Variants in PTPRG observed in about 807,000 individuals in gnomAD.
PTPRG encodes receptor-type tyrosine-protein phosphatase gamma.
A neutral mutation model predicts 165.3 loss-of-function variants in PTPRG; 102 were observed. That is an observed-to-expected ratio of 0.62 (90% CI 0.53 to 0.73). PTPRG has a LOEUF of 0.73. Among genes scored for constraint, PTPRG ranks in the 30% least tolerant of loss-of-function variants. The probability of loss-of-function intolerance (pLI) is 0.00; values close to 1 mark genes in which losing one functional copy is unlikely to be tolerated. For synonymous variants in PTPRG, 675 were observed against 669.5 expected (o/e 1.01, Z -0.13); for missense variants, 1,866 against 1,861.4 (o/e 1.00, Z -0.05).
chr3:61,938,557 G>C (rs2039536360), intron 2 of PTPRG, among the ~76,000 whole-genome samples: 1 of 152,186 alleles, frequency 6.6e-6, no homozygotes, highest in Admixed American at 6.5e-5. Flanking sequence ...ATATCCCCGT[G>C]TTTGACACGT....
At chr3:62,293,012 A>ATT in intron 29 of PTPRG, 149 bp from the exon 30 acceptor site, 3 of 610,796 alleles carry the variant, frequency 4.9e-6, no homozygotes, top group Non-Finnish European at 7.8e-6. Flanking sequence ...AATTCAAATG[A>ATT]TTTTTTTTTT....
intron 1 of PTPRG, among the ~76,000 whole-genome samples, chr3:61,579,843 G>A (rs934173971): frequency 1.3e-5 from 2 of 152,184 alleles, no homozygotes; most frequent in African/African-American, 4.8e-5. Context: ...GGGATACATG[G>A]AGTAGGGTGA....
intron 4 of PTPRG, among the ~76,000 whole-genome samples, chr3:62,071,375 G>A (rs974756560): frequency 3.9e-5 from 6 of 152,166 alleles, no homozygotes; most frequent in South Asian, 4.1e-4. Context: ...CATGATCACA[G>A]CAACCAGGGA....
chr3:62,235,728 T>G (rs1370620670), intron 14 of PTPRG, among the ~76,000 whole-genome samples: 1 of 152,222 alleles, frequency 6.6e-6, no homozygotes, highest in Non-Finnish European at 1.5e-5. Context: ...GACTAGGCCA[T>G]CTCTCCTATT....
chr3:61,820,611 T>G (rs920368458), intron 2 of PTPRG, among the ~76,000 whole-genome samples: 2 of 146,458 alleles, frequency 1.4e-5, no homozygotes, highest in Non-Finnish European at 3.0e-5. Context: ...CTGTTTTTTT[T>G]TTTTTTTTTT....
At chr3:62,005,476 T>C (rs1438192009) in intron 4 of PTPRG, among the ~76,000 whole-genome samples, 2 of 152,090 alleles carry the variant, frequency 1.3e-5, no homozygotes, top group African/African-American at 4.8e-5. Flanking sequence ...TGTCTTAGAA[T>C]TGGGTTTCCG....
In PTPRG at chr3:62,187,392, C is replaced by A. The variant is rs192589383; in HGVS notation, c.1034-4077C>A. ...TCCACGGGCCGAAACTTACTCCCCA[C>A]CACCTTTTGTGTAACCATGAGCTAA... On this transcript the variant is annotated intron_variant, in intron 8 of 29. Transcript: ENST00000474889. Among the ~76,000 whole-genome samples the A allele has an allele frequency of 2.6e-4, 39 of 152,346 alleles. No homozygotes were observed. In the East Asian group the frequency reaches 7.5e-3, roughly 29 times the overall value.
intron 1 of PTPRG, among the ~76,000 whole-genome samples, chr3:61,587,313 C>T (rs1700455996): frequency 1.3e-5 from 2 of 152,178 alleles, no homozygotes; most frequent in African/African-American, 4.8e-5. Context: ...ATTTCTGTGT[C>T]CCCTTCTCAG....
intron 16 of PTPRG, among the ~76,000 whole-genome samples, chr3:62,256,094 C>CTT (rs1701528954): frequency 6.6e-6 from 1 of 152,138 alleles, no homozygotes; most frequent in Non-Finnish European, 1.5e-5. Context: ...AAGTTGGTTC[C>CTT]TTTCTCTGTC....
chr3:61,757,924 A>G (rs910532663), intron 2 of PTPRG, among the ~76,000 whole-genome samples: 3 of 152,216 alleles, frequency 2.0e-5, no homozygotes, highest in Non-Finnish European at 4.4e-5. Context: ...AGCTGAATAC[A>G]TGTGTTATAA....
intron 8 of PTPRG, among the ~76,000 whole-genome samples, chr3:62,184,260 A>G (rs1353423873): frequency 1.3e-5 from 2 of 152,192 alleles, no homozygotes; most frequent in Non-Finnish European, 2.9e-5. Context: ...AATGCACATT[A>G]CACTGGAGCT....
intron 1 of PTPRG, among the ~76,000 whole-genome samples, chr3:61,724,391 A>T (rs909940024): frequency 2.6e-5 from 4 of 151,916 alleles, no homozygotes; most frequent in African/African-American, 9.7e-5. Context: ...TTAATCTTTC[A>T]CCTTTTGAGG....
chr3:62,023,693 A>T (rs1283150649), intron 4 of PTPRG, among the ~76,000 whole-genome samples: 1 of 152,162 alleles, frequency 6.6e-6, no homozygotes, highest in Non-Finnish European at 1.5e-5. Flanking sequence ...AAACCTAGGG[A>T]GACTGTTGAG....
intron 4 of PTPRG, among the ~76,000 whole-genome samples, chr3:62,057,067 A>G (rs955108324): frequency 6.6e-6 from 1 of 152,224 alleles, no homozygotes; most frequent in African/African-American, 2.4e-5. Context: ...AGGATTATCC[A>G]TGTTTCCAGA....
intron 8 of PTPRG, among the ~76,000 whole-genome samples, chr3:62,176,668 A>T (rs1220668204): frequency 3.3e-5 from 5 of 152,100 alleles, no homozygotes; most frequent in African/African-American, 1.2e-4. Context: ...CTCAGGGCAT[A>T]GGGTATTGGT....
At position 61,607,553 on chromosome 3, in the gene PTPRG, C is replaced by G. The variant is rs981631068; in HGVS notation, c.85+45181C>G. ...GGCAGCTCGACAAACTCTTTTAAAC[C>G]TTACTTTTTTTTGGTTTTGGTAGTG... is the stretch of plus-strand genomic sequence containing the variant. On this transcript the variant is annotated intron_variant, in intron 1 of 29. Coordinates refer to ENST00000474889, the MANE Select transcript of PTPRG (RefSeq NM_002841.4). Among the ~76,000 whole-genome samples, 5 of 152,102 alleles carry G rather than the reference C, an allele frequency of 3.3e-5. No homozygotes were observed. The East Asian group carries it at 7.7e-4, about 23-fold the overall frequency.
At chr3:62,198,733 A>G (rs6764475) in intron 10 of PTPRG, among the ~76,000 whole-genome samples, 25,880 of 152,222 alleles carry the variant, frequency 0.17, 3,871 homozygotes, top group African/African-American at 0.39. Flanking sequence ...TGATTTTTGA[A>G]TAGTGACGAA....
At chr3:61,574,098 A>G (rs1263472745) in intron 1 of PTPRG, among the ~76,000 whole-genome samples, 2 of 152,084 alleles carry the variant, frequency 1.3e-5, no homozygotes, top group African/African-American at 2.4e-5. Flanking sequence ...CATTGTATCA[A>G]AAGTGGCCTT....
intron 2 of PTPRG, among the ~76,000 whole-genome samples, chr3:61,827,031 A>G (rs765565715): frequency 1.3e-5 from 2 of 152,148 alleles, no homozygotes; most frequent in Non-Finnish European, 2.9e-5. Context: ...GAATGAGAAT[A>G]TCGATATGAA....
Sources: allele counts gnomAD v4.1 joint callset (sites outside exome capture counted in the v4.1 genomes callset), GRCh38; gene constraint gnomAD v4.1.1; transcripts MANE v1.5; gene names NCBI Gene and HGNC (gene_info 2026-07-23, HGNC 2026-07-21).